The following SGPP1 variants were observed in gnomAD, a reference collection of about 807,000 sequenced individuals.
The protein encoded by SGPP1 is hSPP1.
In SGPP1, 21 loss-of-function variants were observed where a neutral mutation model predicts 33.0. The ratio of observed to expected loss-of-function variants is 0.64; its 90% confidence interval spans 0.45 to 0.92. The LOEUF (loss-of-function observed/expected upper bound fraction) is 0.92. Ranked by LOEUF, SGPP1 falls within the 40% of genes least tolerant of loss-of-function variation. The probability of loss-of-function intolerance (pLI) is 0.00; values close to 1 mark genes in which losing one functional copy is unlikely to be tolerated. For missense variants in SGPP1, 543 were observed against 589.4 expected (o/e 0.92, Z 0.81); for synonymous variants, 239 against 241.2 (o/e 0.99, Z 0.08).
At chr14:63,709,886 G>A (rs1190079473) in intron 1 of SGPP1, among the ~76,000 whole-genome samples, 2 of 151,898 alleles carry the variant, frequency 1.3e-5, no homozygotes, top group African/African-American at 4.8e-5. Context: ...TTTTCTTTGT[G>A]ATATACTTTC....
intron 2 of SGPP1, among the ~76,000 whole-genome samples, chr14:63,692,004 T>C (rs965505293): frequency 1.3e-5 from 2 of 152,198 alleles, no homozygotes; most frequent in Non-Finnish European, 2.9e-5. Flanking sequence ...AGGTATTCTT[T>C]AGACTCATCA....
rs541998851 is a variant in SGPP1, at chr14:63,703,827, G to A, written c.685-5169C>T. On this transcript the variant is annotated intron_variant, in intron 1 of 2. Coordinates refer to ENST00000247225, the MANE Select transcript of SGPP1 (RefSeq NM_030791.4). ...TTTTTTTTTTTTTTTTTTTTTTGGC[G>A]GCAGGTGGGGAGTGGGGTCTCGCTT... Among the ~76,000 whole-genome samples the A allele has an allele frequency of 2.9e-3, 363 of 124,124 alleles. 1 individual carries two copies. Among genetic ancestry groups the A allele is most frequent in the African/African-American group, 6.2e-3 (193 of 31,106 alleles). The allele number at this position is 124,124 out of a possible 152,430, so 81.4% of individuals were successfully genotyped here. A position where few individuals can be genotyped will look rare whatever the true frequency, so the allele number is the denominator to read the frequency against.
At chr14:63,691,391 T>C (rs1885092393) in intron 2 of SGPP1, among the ~76,000 whole-genome samples, 1 of 152,246 alleles carries the variant, frequency 6.6e-6, no homozygotes. Context: ...AGACTATTTC[T>C]TCTTGTCTTA....
rs1884946548 is a variant in SGPP1 at position 63,685,265 on chromosome 14, T to G, written c.*840A>C. The G allele has an allele frequency of 6.6e-6, 1 of 152,512 alleles. No homozygotes were observed. Among genetic ancestry groups the G allele is most frequent in the Non-Finnish European group, 1.5e-5 (1 of 67,920 alleles). 9.4% of individuals were successfully genotyped at this position (152,512 alleles called of 1,614,324 possible). ...TCACCCTGACATACATTTTTTAAAA[T>G]ATTTGCTTGATTATATGTAACTTAA... On this transcript the variant is annotated 3_prime_UTR_variant, in exon 3 of 3. Coordinates refer to ENST00000247225, the MANE Select transcript of SGPP1 (RefSeq NM_030791.4).
chr14:63,712,845 A>G (rs1404151412), intron 1 of SGPP1, among the ~76,000 whole-genome samples: 1 of 131,230 alleles, frequency 7.6e-6, no homozygotes, highest in Non-Finnish European at 1.5e-5. Context: ...TGAGTCTGTG[A>G]GGTGGAGGTT....
intron 1 of SGPP1, among the ~76,000 whole-genome samples, chr14:63,702,662 A>G (rs549954442): frequency 1.1e-3 from 167 of 152,254 alleles, no homozygotes; most frequent in African/African-American, 3.9e-3. Flanking sequence ...GTGAGCCGAG[A>G]TTGCGCCACT....
At chr14:63,718,979 T>C (rs912669493) in intron 1 of SGPP1, among the ~76,000 whole-genome samples, 1 of 9,600 alleles carries the variant, frequency 1.0e-4, no homozygotes, top group South Asian at 5.2e-3. Flanking sequence ...TGTATATACA[T>C]ATATATATAT....
chr14:63,700,368 T>C lies in SGPP1; in HGVS notation c.685-1710A>G, dbSNP rs139202861. ...AAACTCATCATCATATCACCCACAC[T>C]TGTTCCTCCTCTGATATTCCCTATT... On this transcript the variant is annotated intron_variant, in intron 1 of 2. Transcript: ENST00000247225. Among the ~76,000 whole-genome samples the C allele has an allele frequency of 4.3e-3, 657 of 152,260 alleles. 7 individuals are homozygous for C. Among genetic ancestry groups the C allele is most frequent in the African/African-American group, 0.015 (604 of 41,536 alleles).
At chr14:63,723,252 A>G (rs1452750364) in intron 1 of SGPP1, among the ~76,000 whole-genome samples, 3 of 152,174 alleles carry the variant, frequency 2.0e-5, no homozygotes, top group African/African-American at 7.2e-5. Context: ...ATTCCAATGA[A>G]TAATATGAGA....
At chr14:63,698,746 T>C in intron 1 of SGPP1, 88 bp from the exon 2 acceptor site, 1 of 646,934 alleles carries the variant, frequency 1.5e-6, no homozygotes, top group Non-Finnish European at 2.4e-6. Context: ...CACTATTCTA[T>C]AAAGTCCACT....
At chr14:63,709,442 C>T (rs935592247) in intron 1 of SGPP1, among the ~76,000 whole-genome samples, 3 of 151,386 alleles carry the variant, frequency 2.0e-5, no homozygotes, top group African/African-American at 7.3e-5. Flanking sequence ...CCTATGGATG[C>T]TAAGTAACAT....
At position 63,727,603 on chromosome 14, in the gene SGPP1, C is replaced by A; in HGVS notation, c.342G>T (p.Thr114=). The change falls in exon 1 of 3, where the codon ACG becomes ACT. Residue 114 remains threonine (T), a synonymous_variant. Transcript: ENST00000247225. ...RAGALRRNSL[T]GEEGQLARVS... ...CGCGGGCCAGCTGGCCCTCCTCGCC[C>A]GTCAGCGAGTTGCGGCGCAGAGCGC... The A allele has an allele frequency of 1.3e-6, 2 of 1,539,492 alleles. No individual in the cohort carries two copies. Among genetic ancestry groups the A allele is most frequent in the Middle Eastern group, 1.7e-4 (1 of 5,806 alleles).
chr14:63,695,089 C>G (rs185375996), intron 2 of SGPP1, among the ~76,000 whole-genome samples: 1 of 152,126 alleles, frequency 6.6e-6, no homozygotes, highest in East Asian at 1.9e-4. Flanking sequence ...GGGAGTCTCG[C>G]TCTGTCGCCC....
rs755661568 is a variant in SGPP1 at position 63,727,246 on chromosome 14, G to A, written c.684+15C>T. ...TGAACTCCCCCAGGCTGAACAGGAC[G>A]AGAAGGAACCCTACCTGCCAGCGGC... On this transcript the variant is annotated intron_variant, in intron 1 of 2. Coordinates refer to ENST00000247225, the MANE Select transcript of SGPP1 (RefSeq NM_030791.4). The A allele has an allele frequency of 1.3e-6, 2 of 1,596,062 alleles. No individual in the cohort carries two copies. Among genetic ancestry groups the A allele is most frequent in the Admixed American group, 1.7e-5 (1 of 58,698 alleles).
chr14:63,692,768 G>T (rs762991578), intron 2 of SGPP1, among the ~76,000 whole-genome samples: 14 of 151,094 alleles, frequency 9.3e-5, no homozygotes, highest in South Asian at 6.3e-4. Flanking sequence ...CTTTTTTTTT[G>T]AACAGGATGT....
intron 1 of SGPP1, among the ~76,000 whole-genome samples, chr14:63,708,048 G>C (rs1004580455): frequency 6.6e-6 from 1 of 152,086 alleles, no homozygotes; most frequent in African/African-American, 2.4e-5. Flanking sequence ...AATTCTGTAA[G>C]AGCTTAGTTT....
At chr14:63,711,103 T>C (rs1236836710) in intron 1 of SGPP1, among the ~76,000 whole-genome samples, 1 of 150,890 alleles carries the variant, frequency 6.6e-6, no homozygotes, top group Non-Finnish European at 1.5e-5. Context: ...AACCTCTGCC[T>C]CCCGGGTTCA....
chr14:63,693,149 T>C (rs1444403316), intron 2 of SGPP1, among the ~76,000 whole-genome samples: 2 of 152,194 alleles, frequency 1.3e-5, no homozygotes. Context: ...CCCAGGTTGA[T>C]CCAGATATCC....
At chr14:63,722,579 T>TTAATA (rs60150760) in intron 1 of SGPP1, among the ~76,000 whole-genome samples, 14,011 of 150,996 alleles carry the variant, frequency 0.093, 1,433 homozygotes, top group African/African-American at 0.26. Flanking sequence ...TATAACATTA[T>TTAATA]TATTATAAAA....
Sources: gnomAD v4.1 joint callset for allele counts (sites outside exome capture counted in the v4.1 genomes callset) on GRCh38, gnomAD v4.1.1 for gene constraint, MANE v1.5 for transcripts, NCBI Gene and HGNC (gene_info 2026-07-23, HGNC 2026-07-21) for gene names.